BAZ1B: variants seen among roughly 807,000 people sequenced by gnomAD.
BAZ1B encodes tyrosine-protein kinase BAZ1B.
BAZ1B carries 22 observed loss-of-function variants against 153.8 expected under a neutral mutation model. That is an observed-to-expected ratio of 0.14 (90% CI 0.10 to 0.20). The LOEUF is 0.20. Among genes scored for constraint, BAZ1B ranks in the 10% least tolerant of loss-of-function variants. The pLI is 1.00. For missense variants in BAZ1B, 1,325 were observed against 1,799.3 expected (o/e 0.74, Z 4.77); for synonymous variants, 676 against 633.4 (o/e 1.07, Z -1.01).
chr7:73,514,123 T>C (rs1554578918), intron 1 of BAZ1B, among the ~76,000 whole-genome samples: 2 of 152,162 alleles, frequency 1.3e-5, no homozygotes, highest in Admixed American at 6.6e-5. Flanking sequence ...TTGACGATCA[T>C]GTTGGGGCTC....
At chr7:73,484,514 C>A (rs1789328426) in intron 6 of BAZ1B, among the ~76,000 whole-genome samples, 1 of 152,000 alleles carries the variant, frequency 6.6e-6, no homozygotes, top group Non-Finnish European at 1.5e-5. Context: ...CTTCATGGTG[C>A]ACACCTGTGG....
intron 13 of BAZ1B, 152 bp downstream of exon 13, chr7:73,459,384 G>A: frequency 1.3e-6 from 1 of 767,698 alleles, no homozygotes; most frequent in Non-Finnish European, 2.0e-6. Flanking sequence ...GGGGTAGAAA[G>A]TGATTAAAAA....
intron 4 of BAZ1B, among the ~76,000 whole-genome samples, chr7:73,494,415 T>C (rs562872740): frequency 6.6e-6 from 1 of 151,882 alleles, no homozygotes; most frequent in African/African-American, 2.4e-5. Flanking sequence ...GGAAAGTTGA[T>C]ACTGAAGATA....
chr7:73,483,167 A>G (rs1345561997), intron 6 of BAZ1B, among the ~76,000 whole-genome samples: 4 of 152,218 alleles, frequency 2.6e-5, no homozygotes, highest in Non-Finnish European at 4.4e-5. Context: ...GTTGAAAGAA[A>G]AAGAGAGCGT....
chr7:73,478,680 T>C, intron 6 of BAZ1B, 111 bp from the exon 7 acceptor site: 1 of 827,124 alleles, frequency 1.2e-6, no homozygotes, highest in Non-Finnish European at 1.7e-6. Flanking sequence ...AAGCTACATA[T>C]TCATATCTCT....
intron 4 of BAZ1B, among the ~76,000 whole-genome samples, chr7:73,493,744 G>T (rs116657898): frequency 0.012 from 1,881 of 151,464 alleles, 43 homozygotes; most frequent in African/African-American, 0.043. Flanking sequence ...TGGGCGGCTA[G>T]GGTAGGATGG....
intron 6 of BAZ1B, among the ~76,000 whole-genome samples, chr7:73,485,398 A>C (rs1789364274): frequency 1.3e-5 from 2 of 152,190 alleles, no homozygotes; most frequent in African/African-American, 2.4e-5. Flanking sequence ...AGGCAGGAGG[A>C]TCACTTGAGA....
rs1788451776 is a variant in BAZ1B, at chr7:73,463,073, T to G, written c.3098A>C (p.His1033Pro). 6.2e-7 allele frequency: 1 copy of G among 1,613,602 alleles called. No homozygotes were observed. The highest frequency in any genetic ancestry group is 8.5e-7 in the Non-Finnish European group (1 of 1,179,870). Residue 1033 changes from histidine (H) to proline (P), a missense_variant, in exon 12 of 20, where the codon CAT becomes CCT. His to Pro is a moderately conservative substitution (Grantham distance 77, BLOSUM62 -2). Coordinates refer to ENST00000339594, the MANE Select transcript of BAZ1B (RefSeq NM_032408.4). The part of the protein sequence containing the change: ...KRYQDIIHSI[H>P]LARKPNLGLK... ...ACCCAAATTTGGCTTCCGTGCTAGATGAATAGAGTGAATAATGTCCTGGTA... is the reference window on the plus strand; with the variant it reads ...ACCCAAATTTGGCTTCCGTGCTAGAGGAATAGAGTGAATAATGTCCTGGTA...
intron 6 of BAZ1B, among the ~76,000 whole-genome samples, chr7:73,484,243 C>T (rs981839495): frequency 6.6e-6 from 1 of 150,532 alleles, no homozygotes; most frequent in African/African-American, 2.4e-5. Flanking sequence ...TCCAGCCTGG[C>T]GACAGAGCGA....
At chr7:73,519,014 C>T (rs1276599958) in intron 1 of BAZ1B, among the ~76,000 whole-genome samples, 1 of 152,098 alleles carries the variant, frequency 6.6e-6, no homozygotes, top group African/African-American at 2.4e-5. Context: ...GATCTAGTGT[C>T]CTGCCTGTGG....
intron 1 of BAZ1B, among the ~76,000 whole-genome samples, chr7:73,520,758 G>A (rs1554580070): frequency 6.6e-6 from 1 of 152,136 alleles, no homozygotes; most frequent in East Asian, 1.9e-4. Context: ...AAATAACTCT[G>A]AGAGACACTT....
intron 7 of BAZ1B, among the ~76,000 whole-genome samples, chr7:73,475,860 G>A (rs1247885475): frequency 2.7e-5 from 4 of 148,612 alleles, no homozygotes; most frequent in Middle Eastern, 3.6e-3. Context: ...GAAGGCGGAG[G>A]TTGCAGTGAG....
intron 6 of BAZ1B, among the ~76,000 whole-genome samples, chr7:73,482,439 A>G (rs1789238448): frequency 6.6e-6 from 1 of 152,212 alleles, no homozygotes; most frequent in South Asian, 2.1e-4. Flanking sequence ...TTCAGAGTAC[A>G]CACATACAGG....
chr7:73,475,492 T>C (rs553994042), intron 7 of BAZ1B, among the ~76,000 whole-genome samples: 1 of 152,386 alleles, frequency 6.6e-6, no homozygotes, highest in South Asian at 2.1e-4. Context: ...ATTATATGAT[T>C]GCATTTACAT....
intron 3 of BAZ1B, among the ~76,000 whole-genome samples, chr7:73,499,795 G>A (rs1396731907): frequency 5.9e-5 from 9 of 152,060 alleles, no homozygotes; most frequent in Admixed American, 5.2e-4. Flanking sequence ...CTTTATCCCT[G>A]GTTATATTCT....
At chr7:73,505,337 A>G (rs1326475123) in intron 3 of BAZ1B, among the ~76,000 whole-genome samples, 1 of 152,198 alleles carries the variant, frequency 6.6e-6, no homozygotes, top group Non-Finnish European at 1.5e-5. Flanking sequence ...AACTCAACAC[A>G]CTGAGAAGAA....
chr7:73,450,324 G>A lies in BAZ1B; in HGVS notation c.3580+523C>T, dbSNP rs1787989904. Among the ~76,000 whole-genome samples the A allele has an allele frequency of 1.3e-5, 2 of 152,140 alleles. No individual in the cohort carries two copies. The highest frequency in any genetic ancestry group is 1.3e-4 in the Admixed American group (2 of 15,268). On this transcript the variant is annotated intron_variant, in intron 14 of 19. Transcript: ENST00000339594. The surrounding 1 kb of genome is among the most constrained non-coding windows in gnomAD (Gnocchi z 4.1). ...AACCTTCATTCTAGAGCGATTGAAC[G>A]CTTTACAGCAACTGAATGATTTTAC...
At chr7:73,462,509 T>G in intron 12 of BAZ1B, 1 of 238,824 alleles carries the variant, frequency 4.2e-6, no homozygotes, top group Non-Finnish European at 8.2e-6. Flanking sequence ...CTGGACAACA[T>G]GAGTGATGCC....
intron 7 of BAZ1B, among the ~76,000 whole-genome samples, chr7:73,473,229 C>G (rs570652201): frequency 6.6e-6 from 1 of 152,184 alleles, no homozygotes; most frequent in Non-Finnish European, 1.5e-5. Flanking sequence ...TGTGAGCCAC[C>G]GAGCCTGGCC....
Sources: allele counts gnomAD v4.1 joint callset (sites outside exome capture counted in the v4.1 genomes callset), GRCh38; gene constraint gnomAD v4.1.1; non-coding constraint Gnocchi (gnomAD v3.1); transcripts MANE v1.5; gene names NCBI Gene and HGNC (gene_info 2026-07-23, HGNC 2026-07-21).